Variants in MAP3K2 observed in about 807,000 individuals in gnomAD.
MAP3K2 encodes the protein mitogen-activated protein kinase kinase kinase 2.
Under a neutral mutation model 80.3 loss-of-function variants are expected in MAP3K2, and 24 were observed. The observed-to-expected ratio is 0.30, with a 90% CI of 0.22 to 0.42. The LOEUF (loss-of-function observed/expected upper bound fraction) is 0.42. Ranked by LOEUF, MAP3K2 falls within the 10% of genes least tolerant of loss-of-function variation. The probability of loss-of-function intolerance (pLI) is 1.00; values close to 1 mark genes in which losing one functional copy is unlikely to be tolerated. For synonymous variants in MAP3K2, 244 were observed against 253.7 expected, an observed-to-expected ratio of 0.96 and a Z score of 0.36; for missense variants, 608 against 750.1, an observed-to-expected ratio of 0.81 and a Z score of 2.21.
Position 127,301,303 on chromosome 2 carries a change from A to C in MAP3K2, c.*6276T>G, listed in dbSNP as rs1353693409. ...CCATCAACCTGAGGCATCAGACGTT[A>C]ATGTCTGTCTATGTGAATCAGTGGT... is the stretch of plus-strand genomic sequence containing the variant. On this transcript the variant is annotated 3_prime_UTR_variant, in exon 17 of 17. Coordinates refer to ENST00000682094, the MANE Select transcript of MAP3K2 (RefSeq NM_001371910.2). 2 of 152,226 alleles carry C rather than the reference A, an allele frequency of 1.3e-5. No homozygotes were observed. Among genetic ancestry groups the C allele is most frequent in the African/African-American group, 4.8e-5 (2 of 41,456 alleles). 9.4% of individuals were successfully genotyped at this position (152,226 alleles called of 1,614,324 possible). A position where few individuals can be genotyped will look rare whatever the true frequency, so the allele number is the denominator to read the frequency against.
At chr2:127,330,125 C>T in intron 6 of MAP3K2, 117 bp from the exon 7 acceptor site, 2 of 648,840 alleles carry the variant, frequency 3.1e-6, no homozygotes, top group Non-Finnish European at 5.4e-6. Context: ...ATCAAATCCT[C>T]TACTCTTTGA....
chr2:127,329,539 T>G (rs550963894), intron 7 of MAP3K2, among the ~76,000 whole-genome samples: 1 of 152,102 alleles, frequency 6.6e-6, no homozygotes, highest in Non-Finnish European at 1.5e-5. Context: ...GTAATTTTAG[T>G]AGAGATGGGG....
chr2:127,383,611 T>C (rs767362712), intron 1 of MAP3K2, among the ~76,000 whole-genome samples: 3 of 152,202 alleles, frequency 2.0e-5, no homozygotes, highest in Non-Finnish European at 2.9e-5. Context: ...ACAGAGATCA[T>C]GTCATCAGGG....
chr2:127,357,773 C>G (rs945240984), intron 1 of MAP3K2, among the ~76,000 whole-genome samples: 23 of 152,050 alleles, frequency 1.5e-4, no homozygotes, highest in African/African-American at 5.6e-4. Flanking sequence ...GGTACAACAG[C>G]TGGATACCTC....
chr2:127,386,441 TC>T (rs1329628645), intron 1 of MAP3K2, among the ~76,000 whole-genome samples: 1 of 152,188 alleles, frequency 6.6e-6, no homozygotes, highest in Non-Finnish European at 1.5e-5. Context: ...AACGAACAAA[TC>T]ACTAAATTGC....
At chr2:127,338,036 G>C (rs1383323788) in intron 3 of MAP3K2, among the ~76,000 whole-genome samples, 1 of 152,098 alleles carries the variant, frequency 6.6e-6, no homozygotes, top group African/African-American at 2.4e-5. Flanking sequence ...AGGAGTATGA[G>C]ACATTTGCTG....
At position 127,307,516 on chromosome 2, in the gene MAP3K2, G is replaced by A; in HGVS notation, c.*63C>T. 9.7e-7 allele frequency: 1 copy of A among 1,026,692 alleles called. No homozygotes were observed. Among genetic ancestry groups the A allele is most frequent in the South Asian group, 1.8e-5 (1 of 54,328 alleles). 63.6% of individuals were successfully genotyped at this position (1,026,692 alleles called of 1,614,324 possible). On this transcript the variant is annotated 3_prime_UTR_variant, in exon 17 of 17. Coordinates refer to ENST00000682094, the MANE Select transcript of MAP3K2 (RefSeq NM_001371910.2). This position sits in a 1 kb window ranked among gnomAD's most constrained non-coding sequence, Gnocchi z 5.4. ...TTTTTTTATAAAAAAGAAAAGTGCA[G>A]TCAGAGAGAAGGTGAATGAATAGAT...
At chr2:127,350,876 C>T (rs1227596334) in intron 1 of MAP3K2, among the ~76,000 whole-genome samples, 3 of 151,712 alleles carry the variant, frequency 2.0e-5, no homozygotes, top group African/African-American at 7.3e-5. Flanking sequence ...CCTAACTAGC[C>T]TGACTTCAAT....
chr2:127,365,991 T>C (rs182252561), intron 1 of MAP3K2, among the ~76,000 whole-genome samples: 3 of 152,340 alleles, frequency 2.0e-5, no homozygotes, highest in Non-Finnish European at 4.4e-5. Flanking sequence ...GCTTTCCCTC[T>C]GAGATCTTCT....
At chr2:127,330,553 T>G in intron 5 of MAP3K2, 48 bp from the exon 6 acceptor site, 2 of 874,440 alleles carry the variant, frequency 2.3e-6, no homozygotes. Flanking sequence ...CAGGTCAAGT[T>G]CTTCCATGAG....
At chr2:127,333,555 C>T (rs1159741880) in intron 5 of MAP3K2, among the ~76,000 whole-genome samples, 1 of 152,076 alleles carries the variant, frequency 6.6e-6, no homozygotes, top group Non-Finnish European at 1.5e-5. Flanking sequence ...CCCCAGTGTC[C>T]AAGATCATGC....
At chr2:127,344,531 G>A (rs1686560465) in intron 1 of MAP3K2, among the ~76,000 whole-genome samples, 1 of 151,222 alleles carries the variant, frequency 6.6e-6, no homozygotes, top group Admixed American at 6.6e-5. Context: ...AATGCCAGGT[G>A]TAGTGGTGCA....
At chr2:127,382,655 C>T (rs1687266071) in intron 1 of MAP3K2, among the ~76,000 whole-genome samples, 1 of 152,246 alleles carries the variant, frequency 6.6e-6, no homozygotes, top group South Asian at 2.1e-4. Flanking sequence ...GCCTCAGCCT[C>T]CCAAGTATCT....
chr2:127,354,471 T>C (rs902718724), intron 1 of MAP3K2, among the ~76,000 whole-genome samples: 5 of 152,032 alleles, frequency 3.3e-5, no homozygotes, highest in African/African-American at 9.7e-5. Context: ...TTCATCATGA[T>C]TGTCAGACTG....
rs1685574907 is a variant in MAP3K2 at position 127,300,679 on chromosome 2, TGCA to T, written c.*6897_*6899del. On this transcript the variant is annotated 3_prime_UTR_variant, in exon 17 of 17. Coordinates refer to ENST00000682094, the MANE Select transcript of MAP3K2 (RefSeq NM_001371910.2). ...ATGTAAACCATTTACTAATTAAGAT[TGCA>T]TTAAAACAATTGTTGGTCTTTAAAG... 6.6e-6 allele frequency: 1 copy of T among 152,206 alleles called. No individual in the cohort carries two copies. The highest frequency in any genetic ancestry group is 1.5e-5 in the Non-Finnish European group (1 of 68,028). The allele number at this position is 152,206 out of a possible 1,614,324, so 9.4% of individuals were successfully genotyped here. A position where few individuals can be genotyped will look rare whatever the true frequency, so the allele number is the denominator to read the frequency against.
chr2:127,384,160 G>C (rs953052831), intron 1 of MAP3K2, among the ~76,000 whole-genome samples: 1 of 151,192 alleles, frequency 6.6e-6, no homozygotes, highest in Non-Finnish European at 1.5e-5. Flanking sequence ...CTCCCAAAGT[G>C]CTGGGATTAC....
intron 4 of MAP3K2, 48 bp from the exon 5 acceptor site, chr2:127,336,017 T>C: frequency 8.4e-7 from 1 of 1,184,686 alleles, no homozygotes; most frequent in African/African-American, 1.5e-5. Flanking sequence ...CAAAGTTAAA[T>C]AATAAACTTG....
intron 1 of MAP3K2, among the ~76,000 whole-genome samples, chr2:127,351,388 C>T (rs956439309): frequency 6.6e-6 from 1 of 152,000 alleles, no homozygotes; most frequent in African/African-American, 2.4e-5. Context: ...AAACAAATTT[C>T]TTTATACTGG....
intron 2 of MAP3K2, among the ~76,000 whole-genome samples, chr2:127,341,635 C>T (rs983398914): frequency 4.6e-5 from 7 of 150,792 alleles, no homozygotes; most frequent in Non-Finnish European, 1.0e-4. Flanking sequence ...TGGGTTCACG[C>T]CATTCTCCTG....
Sources: allele counts gnomAD v4.1 joint callset (sites outside exome capture counted in the v4.1 genomes callset), GRCh38; gene constraint gnomAD v4.1.1; non-coding constraint Gnocchi (gnomAD v3.1); transcripts MANE v1.5; gene names NCBI Gene and HGNC (gene_info 2026-07-23, HGNC 2026-07-21).